Variants in DRC11 observed in about 807,000 individuals in gnomAD.
The protein encoded by DRC11 is IQ and AAA domain-containing protein 1.
the DRC11 span, among the ~76,000 whole-genome samples, chr2:236,357,755 AATATAC>A: frequency 1.6e-5 from 2 of 126,786 alleles, no homozygotes; most frequent in South Asian, 2.3e-4. Context: ...TAAATATATA[AATATAC>A]ATATACTATG....
chr2:236,441,046 T>A, the DRC11 span: 1 of 1,532,408 alleles, frequency 6.5e-7, no homozygotes, highest in Non-Finnish European at 8.9e-7. Flanking sequence ...GTACCTGTTG[T>A]ATGGTCTTGT....
the DRC11 span, among the ~76,000 whole-genome samples, chr2:236,358,041 TAA>T: frequency 8.4e-6 from 1 of 119,216 alleles, no homozygotes; most frequent in Admixed American, 9.8e-5. Flanking sequence ...TATATATTTA[TAA>T]TATATAGATA....
At chr2:236,490,318 G>A in the DRC11 span, among the ~76,000 whole-genome samples, 5 of 152,200 alleles carry the variant, frequency 3.3e-5, no homozygotes, top group Non-Finnish European at 7.3e-5. This position sits in a 1 kb window ranked among gnomAD's most constrained non-coding sequence, Gnocchi z 5.5. Flanking sequence ...TGGGTAAGAA[G>A]AGAAGGAGCC....
At chr2:236,340,816 G>GTC in the DRC11 span, among the ~76,000 whole-genome samples, 1 of 152,200 alleles carries the variant, frequency 6.6e-6, no homozygotes, top group East Asian at 1.9e-4. Flanking sequence ...GACAAACGTT[G>GTC]ATTCTGGGCA....
At chr2:236,337,053 G>C in the DRC11 span, among the ~76,000 whole-genome samples, 1 of 152,038 alleles carries the variant, frequency 6.6e-6, no homozygotes. The surrounding 1 kb of genome is among the most constrained non-coding windows in gnomAD (Gnocchi z 4.9). Context: ...AGCCTGTCCG[G>C]TCGACATAGG....
chr2:236,416,768 T>TATATATATAA, the DRC11 span, among the ~76,000 whole-genome samples: 19 of 92,940 alleles, frequency 2.0e-4, 2 homozygotes, highest in South Asian at 3.9e-4. Context: ...TATATATATA[T>TATATATATAA]AAATAATTTT....
chr2:236,342,679 C>G, the DRC11 span, among the ~76,000 whole-genome samples: 1 of 152,160 alleles, frequency 6.6e-6, no homozygotes, highest in South Asian at 2.1e-4. The surrounding 1 kb of genome is among the most constrained non-coding windows in gnomAD (Gnocchi z 5.8). Flanking sequence ...TTTCCTCCCC[C>G]GCTCCTCTCC....
the DRC11 span, among the ~76,000 whole-genome samples, chr2:236,337,430 TG>T: frequency 2.0e-5 from 3 of 152,156 alleles, no homozygotes; most frequent in Non-Finnish European, 2.9e-5. The surrounding 1 kb of genome is among the most constrained non-coding windows in gnomAD (Gnocchi z 4.9). Context: ...CCTTTCTCTC[TG>T]GGGGCCACAT....
the DRC11 span, among the ~76,000 whole-genome samples, chr2:236,385,118 G>A: frequency 6.6e-6 from 1 of 151,790 alleles, no homozygotes; most frequent in African/African-American, 2.4e-5. Flanking sequence ...TTGTTCTTTT[G>A]GCTTAGGATT....
the DRC11 span, among the ~76,000 whole-genome samples, chr2:236,502,828 G>T: frequency 3.3e-5 from 5 of 151,686 alleles, no homozygotes; most frequent in African/African-American, 9.7e-5. Context: ...GGTGGCATGC[G>T]CCTGTAATCC....
chr2:236,366,014 C>T, the DRC11 span, among the ~76,000 whole-genome samples: 23,373 of 152,168 alleles, frequency 0.15, 2,002 homozygotes, highest in Admixed American at 0.21. Context: ...AGTGCCCCTG[C>T]ATCTTGGAAC....
At chr2:236,476,090 T>G in the DRC11 span, among the ~76,000 whole-genome samples, 1 of 152,116 alleles carries the variant, frequency 6.6e-6, no homozygotes, top group Non-Finnish European at 1.5e-5. This position sits in a 1 kb window ranked among gnomAD's most constrained non-coding sequence, Gnocchi z 4.7. Flanking sequence ...ATTTTAGAAT[T>G]TTTTTTCTAT....
chr2:236,475,726 T>C, the DRC11 span, among the ~76,000 whole-genome samples: 1 of 152,194 alleles, frequency 6.6e-6, no homozygotes, highest in African/African-American at 2.4e-5. The surrounding 1 kb of genome is among the most constrained non-coding windows in gnomAD (Gnocchi z 4.8). Context: ...TTGATAATAA[T>C]GTACTTTGAT....
chr2:236,344,662 G>C, the DRC11 span: 2 of 1,591,550 alleles, frequency 1.3e-6, no homozygotes, highest in African/African-American at 2.7e-5. Flanking sequence ...GAAAAGGCAG[G>C]GCCCTGGTTG....
the DRC11 span, among the ~76,000 whole-genome samples, chr2:236,350,291 A>G: frequency 6.6e-6 from 1 of 152,140 alleles, no homozygotes; most frequent in East Asian, 1.9e-4. The surrounding 1 kb of genome is among the most constrained non-coding windows in gnomAD (Gnocchi z 5.2). Flanking sequence ...TGAATTTTTA[A>G]CACACACCTG....
chr2:236,401,210 G>A, the DRC11 span, among the ~76,000 whole-genome samples: 5 of 152,154 alleles, frequency 3.3e-5, no homozygotes, highest in Middle Eastern at 3.4e-3. The surrounding 1 kb of genome is among the most constrained non-coding windows in gnomAD (Gnocchi z 4.6). Flanking sequence ...TGCCTCTGCC[G>A]TCACTGCAGA....
the DRC11 span, among the ~76,000 whole-genome samples, chr2:236,355,613 C>G: frequency 6.6e-6 from 1 of 152,122 alleles, no homozygotes; most frequent in Non-Finnish European, 1.5e-5. Context: ...TCCTCTCCCC[C>G]TCCTTTTTGA....
chr2:236,368,336 A>T, the DRC11 span: 2 of 1,279,312 alleles, frequency 1.6e-6, no homozygotes, highest in Non-Finnish European at 2.2e-6. Flanking sequence ...CAATAAATGG[A>T]AAACAGCGCT....
chr2:236,452,045 T>G, the DRC11 span, among the ~76,000 whole-genome samples: 1 of 152,362 alleles, frequency 6.6e-6, no homozygotes, highest in East Asian at 1.9e-4. The surrounding 1 kb of genome is among the most constrained non-coding windows in gnomAD (Gnocchi z 4.7). Context: ...TATTCCATGA[T>G]TAATGTTACT....
Sources: allele counts gnomAD v4.1 joint callset (sites outside exome capture counted in the v4.1 genomes callset), GRCh38; gene constraint gnomAD v4.1.1; non-coding constraint Gnocchi (gnomAD v3.1); transcripts MANE v1.5; gene names NCBI Gene and HGNC (gene_info 2026-07-23, HGNC 2026-07-21).